The following GPRIN3 variants were observed in gnomAD, a reference collection of about 807,000 sequenced individuals.
The protein encoded by GPRIN3 is G protein-regulated inducer of neurite outgrowth 3.
A neutral mutation model predicts 13.7 loss-of-function variants in GPRIN3; 12 were observed. That is an observed-to-expected ratio of 0.87 (90% confidence interval 0.56 to 1.42). The LOEUF is 1.42. Ranked by LOEUF, GPRIN3 falls within the 40% of genes most tolerant of loss-of-function variation. The pLI is 0.00. For missense variants in GPRIN3, 1,009 were observed against 958.7 expected, an observed-to-expected ratio of 1.05 and a Z score of -0.69; for synonymous variants, 377 against 372.7, an observed-to-expected ratio of 1.01 and a Z score of -0.13.
intron 1 of GPRIN3, among the ~76,000 whole-genome samples, chr4:89,259,287 G>A (rs1467099652): frequency 1.3e-5 from 2 of 152,050 alleles, no homozygotes; most frequent in South Asian, 2.1e-4. Flanking sequence ...AAAACATTTA[G>A]GTTTGTTATT....
intron 1 of GPRIN3, among the ~76,000 whole-genome samples, chr4:89,302,823 A>G (rs1269138034): frequency 6.6e-6 from 1 of 152,124 alleles, no homozygotes; most frequent in African/African-American, 2.4e-5. Flanking sequence ...TAATTTGAAC[A>G]CTCTGATATG....
intron 1 of GPRIN3, among the ~76,000 whole-genome samples, chr4:89,252,982 C>A: frequency 6.9e-6 from 1 of 144,220 alleles, no homozygotes. Context: ...CCTCTAAAGC[C>A]TTCAAGTTAT....
At chr4:89,300,845 G>A (rs1430698945) in intron 1 of GPRIN3, among the ~76,000 whole-genome samples, 1 of 152,050 alleles carries the variant, frequency 6.6e-6, no homozygotes, top group Non-Finnish European at 1.5e-5. Flanking sequence ...CAAGGATGCA[G>A]GTGAAAATGA....
chr4:89,251,449 A>G lies in GPRIN3; in HGVS notation c.-123-1216T>C, dbSNP rs184670825. Among the ~76,000 whole-genome samples the G allele has an allele frequency of 6.6e-3, 1,005 of 152,314 alleles. 8 individuals carry two copies. Among genetic ancestry groups the G allele is most frequent in the African/African-American group, 0.023 (954 of 41,574 alleles). On this transcript the variant is annotated intron_variant, in intron 1 of 1. Coordinates refer to ENST00000609438, the MANE Select transcript of GPRIN3 (RefSeq NM_198281.3). ...TATAAATACACATTTCCTTGACTCAATGATACCAACTCTATCAACAGAAAT... is the reference window on the plus strand; with the variant it reads ...TATAAATACACATTTCCTTGACTCAGTGATACCAACTCTATCAACAGAAAT...
chr4:89,300,656 G>A (rs530686693), intron 1 of GPRIN3, among the ~76,000 whole-genome samples: 1 of 152,198 alleles, frequency 6.6e-6, no homozygotes, highest in Non-Finnish European at 1.5e-5. Flanking sequence ...ATCCACTTGG[G>A]TAGACAATCC....
In GPRIN3 at chr4:89,243,310, T is replaced by A. The variant is rs983045479; in HGVS notation, c.*4470A>T. 1 of 152,184 alleles carries A rather than the reference T, an allele frequency of 6.6e-6. No individual in the cohort carries two copies. Among genetic ancestry groups the A allele is most frequent in the Non-Finnish European group, 1.5e-5 (1 of 68,034 alleles). 9.4% of individuals were successfully genotyped at this position (152,184 alleles called of 1,614,324 possible). On this transcript the variant is annotated 3_prime_UTR_variant, in exon 2 of 2. Transcript: ENST00000609438. ...CCTTAAGCCCATGTGTCTGGACAGA[T>A]GACATTTGTAATTGCTCAGCCAGTT...
At chr4:89,307,340 T>C (rs980241026) in intron 1 of GPRIN3, among the ~76,000 whole-genome samples, 1 of 151,922 alleles carries the variant, frequency 6.6e-6, no homozygotes, top group Non-Finnish European at 1.5e-5. Context: ...CCCGATTGAT[T>C]ATAAATTTCC....
chr4:89,303,069 A>T (rs1724941552), intron 1 of GPRIN3, among the ~76,000 whole-genome samples: 1 of 152,244 alleles, frequency 6.6e-6, no homozygotes, highest in African/African-American at 2.4e-5. Flanking sequence ...CAGGAACACA[A>T]GTAAAGGTTT....
rs1723132535 is a variant in GPRIN3, at chr4:89,247,375, T to G, written c.*405A>C. Reference sequence around the variant, plus strand: ...TATAACAATGTTTTCGCCAATAGTGTTTTTGCTACTTTCAATATGAAGCAG... The same window carrying G: ...TATAACAATGTTTTCGCCAATAGTGGTTTTGCTACTTTCAATATGAAGCAG... On this transcript the variant is annotated 3_prime_UTR_variant, in exon 2 of 2. Coordinates refer to ENST00000609438, the MANE Select transcript of GPRIN3 (RefSeq NM_198281.3). 1 of 157,542 alleles carries G rather than the reference T, an allele frequency of 6.3e-6. No homozygotes were observed. The allele number at this position is 157,542 out of a possible 1,614,324, so 9.8% of individuals were successfully genotyped here. A position where few individuals can be genotyped will look rare whatever the true frequency, so the allele number is the denominator to read the frequency against.
chr4:89,291,830 C>CTTTTTTTTTTTTTT (rs33981386), intron 1 of GPRIN3, among the ~76,000 whole-genome samples: 1 of 115,868 alleles, frequency 8.6e-6, no homozygotes, highest in Non-Finnish European at 1.9e-5. Context: ...ACTGTCAGGG[C>CTTTTTTTTTTTTTT]TTTTTTTTTT....
In GPRIN3 at chr4:89,237,840, GCTA is replaced by G. The variant is rs1722823416; in HGVS notation, c.*9937_*9939del. ...TGCTAAGAAGGATGTTCTTCTGTTT[GCTA>G]CTCAACATTGAAGATGTGAAGAATG... is the stretch of plus-strand genomic sequence containing the variant. On this transcript the variant is annotated 3_prime_UTR_variant, in exon 2 of 2. Coordinates refer to ENST00000609438, the MANE Select transcript of GPRIN3 (RefSeq NM_198281.3). 6.6e-6 allele frequency: 1 copy of G among 152,142 alleles called. No individual in the cohort carries two copies. Among genetic ancestry groups the G allele is most frequent in the African/African-American group, 2.4e-5 (1 of 41,430 alleles). The allele number at this position is 152,142 out of a possible 1,614,324, so 9.4% of individuals were successfully genotyped here. A position where few individuals can be genotyped will look rare whatever the true frequency, so the allele number is the denominator to read the frequency against.
At chr4:89,265,693 A>G in intron 1 of GPRIN3, among the ~76,000 whole-genome samples, 1 of 152,162 alleles carries the variant, frequency 6.6e-6, no homozygotes, top group East Asian at 1.9e-4. Flanking sequence ...TTATTATACT[A>G]TACCACTGGA....
chr4:89,277,856 A>C (rs28536000), intron 1 of GPRIN3, among the ~76,000 whole-genome samples: 22,868 of 152,030 alleles, frequency 0.15, 3,707 homozygotes, highest in African/African-American at 0.41. Flanking sequence ...TTCTATTGGC[A>C]GCCATGATCC....
At chr4:89,274,909 G>T (rs1180903156) in intron 1 of GPRIN3, among the ~76,000 whole-genome samples, 1 of 152,152 alleles carries the variant, frequency 6.6e-6, no homozygotes, top group African/African-American at 2.4e-5. Flanking sequence ...AATCAGATTG[G>T]CACTGAGGTA....
rs114617158 is a variant in GPRIN3, at chr4:89,299,174, C to T, written c.-124+8441G>A. On this transcript the variant is annotated intron_variant, in intron 1 of 1. Transcript: ENST00000609438. ...GGTGACAGGACGCTTGATACTTAAA[C>T]ACAGCCACCATTCTATAAGGAAATG... 5.3e-4 allele frequency among the ~76,000 whole-genome samples: 80 copies of T among 152,224 alleles called. 1 individual carries two copies. Among genetic ancestry groups the T allele is most frequent in the African/African-American group, 1.9e-3 (78 of 41,522 alleles).
chr4:89,294,939 T>C (rs1261564121), intron 1 of GPRIN3, among the ~76,000 whole-genome samples: 1 of 152,196 alleles, frequency 6.6e-6, no homozygotes, highest in Non-Finnish European at 1.5e-5. Flanking sequence ...ACCATGTGTT[T>C]GGAGTTTAAT....
At chr4:89,261,955 T>C (rs1561196570) in intron 1 of GPRIN3, among the ~76,000 whole-genome samples, 1 of 150,744 alleles carries the variant, frequency 6.6e-6, no homozygotes, top group Non-Finnish European at 1.5e-5. Context: ...CTACTAAAAA[T>C]ACACACACAC....
At position 89,245,932 on chromosome 4, in the gene GPRIN3, AT is replaced by A; in HGVS notation, c.*1847del. On this transcript the variant is annotated 3_prime_UTR_variant, in exon 2 of 2. Coordinates refer to ENST00000609438, the MANE Select transcript of GPRIN3 (RefSeq NM_198281.3). ...ACTGAAAAATGTGCCTTATTAAAAA[AT>A]TCCTTCTAATTTCCAAATAGAACAA... The A allele has an allele frequency of 6.6e-6, 1 of 152,376 alleles. No homozygotes were observed. The highest frequency in any genetic ancestry group is 1.5e-5 in the Non-Finnish European group (1 of 68,040). 9.4% of individuals were successfully genotyped at this position (152,376 alleles called of 1,614,324 possible). A position where few individuals can be genotyped will look rare whatever the true frequency, so the allele number is the denominator to read the frequency against.
rs1424645828 is a variant in GPRIN3 at position 89,298,473 on chromosome 4, G to A, written c.-124+9142C>T. 2.0e-5 allele frequency among the ~76,000 whole-genome samples: 3 copies of A among 151,990 alleles called. No homozygotes were observed. In the East Asian group the frequency reaches 5.8e-4, roughly 29 times the overall value. ...AGGGCTGCTTGGTTAGGACAGAGGAGGGACCCAGGTTGTTAGGCTACCAGG... is the reference window on the plus strand; with the variant it reads ...AGGGCTGCTTGGTTAGGACAGAGGAAGGACCCAGGTTGTTAGGCTACCAGG... On this transcript the variant is annotated intron_variant, in intron 1 of 1. Coordinates refer to ENST00000609438, the MANE Select transcript of GPRIN3 (RefSeq NM_198281.3).
Sources: allele counts gnomAD v4.1 joint callset (sites outside exome capture counted in the v4.1 genomes callset), GRCh38; gene constraint gnomAD v4.1.1; transcripts MANE v1.5; gene names NCBI Gene and HGNC (gene_info 2026-07-23, HGNC 2026-07-21).